HMCN1: variants seen among roughly 807,000 people sequenced by gnomAD.
The protein encoded by HMCN1 is hemicentin-1.
HMCN1 carries 321 observed loss-of-function variants against 625.9 expected under a neutral mutation model. The observed-to-expected ratio is 0.51, with a 90% confidence interval of 0.47 to 0.56. The LOEUF (loss-of-function observed/expected upper bound fraction) is 0.56. Among genes scored for constraint, HMCN1 ranks in the 20% least tolerant of loss-of-function variants. The probability of loss-of-function intolerance (pLI) is 0.00; values close to 1 mark genes in which losing one functional copy is unlikely to be tolerated. For synonymous variants in HMCN1, 2,425 were observed against 2,417.6 expected (o/e 1.00, Z -0.09); for missense variants, 6,588 against 6,887.3 (o/e 0.96, Z 1.54).
At chr1:186,174,042 A>C (rs957502926) in intron 102 of HMCN1, among the ~76,000 whole-genome samples, 3 of 152,232 alleles carry the variant, frequency 2.0e-5, no homozygotes, top group African/African-American at 7.2e-5. Context: ...GACTTGAAAC[A>C]CAGGCCTGCT....
chr1:186,076,737 T>C (rs1456586085), intron 54 of HMCN1, 115 bp downstream of exon 54: 5 of 996,224 alleles, frequency 5.0e-6, no homozygotes, highest in South Asian at 1.3e-5. Flanking sequence ...AACTGGCAGT[T>C]AGACTGCTGA....
intron 68 of HMCN1, among the ~76,000 whole-genome samples, chr1:186,102,435 G>C (rs926499203): frequency 6.6e-6 from 1 of 152,056 alleles, no homozygotes; most frequent in Non-Finnish European, 1.5e-5. Flanking sequence ...GTAGTAATAA[G>C]TTTTTTAAAA....
intron 11 of HMCN1, among the ~76,000 whole-genome samples, chr1:185,946,556 T>A (rs554907272): frequency 4.6e-5 from 7 of 152,310 alleles, no homozygotes; most frequent in African/African-American, 1.4e-4. Context: ...TTTGGGAAAT[T>A]GTTATAAATC....
At chr1:185,856,672 T>C (rs1662487756) in intron 2 of HMCN1, among the ~76,000 whole-genome samples, 1 of 152,104 alleles carries the variant, frequency 6.6e-6, no homozygotes, top group Non-Finnish European at 1.5e-5. Flanking sequence ...CATGTTAGAA[T>C]AAGGGTAAAT....
Position 186,190,815 on chromosome 1 carries a change from A to G in HMCN1, c.*937A>G, listed in dbSNP as rs41317509. 5,661 of 193,042 alleles carry G rather than the reference A, an allele frequency of 0.029. 111 individuals are homozygous for G. Among genetic ancestry groups the G allele is most frequent in the Non-Finnish European group, 0.046 (4,220 of 92,160 alleles). The allele number at this position is 193,042 out of a possible 1,614,324, so 12.0% of individuals were successfully genotyped here. A position where few individuals can be genotyped will look rare whatever the true frequency, so the allele number is the denominator to read the frequency against. ...AATTGCCAAGATGTATTCTATTTTT[A>G]TGAAGTGTATATATATTACCTTAGT... On this transcript the variant is annotated 3_prime_UTR_variant, in exon 107 of 107. Coordinates refer to ENST00000271588, the MANE Select transcript of HMCN1 (RefSeq NM_031935.3).
intron 4 of HMCN1, among the ~76,000 whole-genome samples, chr1:185,878,601 A>G (rs556844446): frequency 6.6e-6 from 1 of 152,122 alleles, no homozygotes; most frequent in Admixed American, 6.6e-5. Flanking sequence ...ATTGTGATGT[A>G]TTATCTTTTT....
chr1:186,169,408 AG>A (rs1195388671), intron 100 of HMCN1, among the ~76,000 whole-genome samples: 1 of 152,180 alleles, frequency 6.6e-6, no homozygotes, highest in Non-Finnish European at 1.5e-5. Context: ...AAAAGAACAA[AG>A]CTGGAGGCAT....
rs1654577866 is a variant in HMCN1 at position 186,019,520 on chromosome 1, CT to C, written c.5471-20del. ...CTCACTGATTATGGTTTCATTCCCT[CT>C]CCCCCTTCCTTAAATATAGTTCCTC... On this transcript the variant is annotated intron_variant, in intron 34 of 106. Coordinates refer to ENST00000271588, the MANE Select transcript of HMCN1 (RefSeq NM_031935.3). 8 of 1,587,442 alleles carry C rather than the reference CT, an allele frequency of 5.0e-6. No individual in the cohort carries two copies. Among genetic ancestry groups the C allele is most frequent in the Non-Finnish European group, 6.9e-6 (8 of 1,156,508 alleles).
chr1:186,055,009 A>T (rs1433498721), intron 44 of HMCN1, among the ~76,000 whole-genome samples: 2 of 152,046 alleles, frequency 1.3e-5, no homozygotes, highest in Admixed American at 1.3e-4. Context: ...GGGAGAAGGG[A>T]TAAAGGAGTT....
At chr1:186,137,416 A>G in intron 87 of HMCN1, 82 bp from the exon 88 acceptor site, 1 of 1,433,872 alleles carries the variant, frequency 7.0e-7, no homozygotes, top group Non-Finnish European at 9.6e-7. Context: ...TAGCTCTGTA[A>G]CCCGTGCATA....
intron 1 of HMCN1, among the ~76,000 whole-genome samples, chr1:185,817,920 T>G (rs1209570698): frequency 6.6e-6 from 1 of 152,180 alleles, no homozygotes; most frequent in Non-Finnish European, 1.5e-5. Flanking sequence ...ACAGCTACTA[T>G]GCTTTCTCTC....
intron 40 of HMCN1, among the ~76,000 whole-genome samples, chr1:186,041,776 T>G (rs1656224497): frequency 6.8e-6 from 1 of 147,856 alleles, no homozygotes; most frequent in South Asian, 2.1e-4. Context: ...TTTTAGACTT[T>G]TTTCTGTGGT....
intron 21 of HMCN1, 146 bp downstream of exon 21, chr1:185,989,793 T>C (rs1652292984): frequency 4.2e-6 from 3 of 716,034 alleles, no homozygotes; most frequent in Non-Finnish European, 6.6e-6. Flanking sequence ...TTTTTTTTTT[T>C]ACAGAAATGC....
intron 1 of HMCN1, among the ~76,000 whole-genome samples, chr1:185,791,480 G>A (rs1327359381): frequency 6.6e-6 from 1 of 152,104 alleles, no homozygotes; most frequent in African/African-American, 2.4e-5. Context: ...AGCTCTTTGG[G>A]AGGACGAGGC....
intron 1 of HMCN1, among the ~76,000 whole-genome samples, chr1:185,751,482 T>G (rs1654812199): frequency 6.6e-6 from 1 of 152,136 alleles, no homozygotes; most frequent in Non-Finnish European, 1.5e-5. Flanking sequence ...TGTCTAAGCA[T>G]AGATTTGATT....
At chr1:185,963,997 G>C (rs1468780752) in intron 13 of HMCN1, 102 bp downstream of exon 13, 2 of 947,160 alleles carry the variant, frequency 2.1e-6, no homozygotes, top group African/African-American at 3.3e-5. Context: ...ATGCATACAT[G>C]GTATTATACT....
At chr1:186,063,067 C>CATATATATATAT (rs775036108) in intron 48 of HMCN1, among the ~76,000 whole-genome samples, 896 of 59,780 alleles carry the variant, frequency 0.015, 79 homozygotes, top group African/African-American at 0.017. Context: ...TGTGTGTGTG[C>CATATATATATAT]ATATATATAT....
At chr1:185,878,151 T>C (rs372517796) in intron 4 of HMCN1, among the ~76,000 whole-genome samples, 1 of 152,192 alleles carries the variant, frequency 6.6e-6, no homozygotes, top group African/African-American at 2.4e-5. Context: ...AGTCTAGGAG[T>C]CTTTAGAGTT....
chr1:185,846,668 G>A (rs2102320195), intron 2 of HMCN1, among the ~76,000 whole-genome samples: 1 of 152,178 alleles, frequency 6.6e-6, no homozygotes, highest in East Asian at 1.9e-4. Context: ...CTTTTCCGAG[G>A]CTGTTTCACT....
Sources: gnomAD v4.1 joint callset for allele counts (sites outside exome capture counted in the v4.1 genomes callset) on GRCh38, gnomAD v4.1.1 for gene constraint, MANE v1.5 for transcripts, NCBI Gene and HGNC (gene_info 2026-07-23, HGNC 2026-07-21) for gene names.